The following TASP1 variants were observed in gnomAD, a reference collection of about 807,000 sequenced individuals.
TASP1 encodes the protein taspase 1, also known as threonine aspartase 1.
Under a neutral mutation model 56.6 loss-of-function variants are expected in TASP1, and 16 were observed. That is an observed-to-expected ratio of 0.28 (90% CI 0.19 to 0.43). The LOEUF is 0.43. TASP1 is among the 20% of genes least tolerant of loss of function. The pLI, the probability that TASP1 is intolerant of heterozygous loss-of-function variation, is 1.00. For missense variants in TASP1, 393 were observed against 511.6 expected (o/e 0.77, Z 2.24); for synonymous variants, 179 against 184.2 (o/e 0.97, Z 0.23).
the TASP1 span, among the ~76,000 whole-genome samples, chr20:13,245,643 A>G: frequency 6.6e-6 from 1 of 152,206 alleles, no homozygotes; most frequent in East Asian, 1.9e-4. Flanking sequence ...ACTCTAGTGT[A>G]GTTACATGGG....
At chr20:13,146,858 C>T in the TASP1 span, among the ~76,000 whole-genome samples, 1 of 152,132 alleles carries the variant, frequency 6.6e-6, no homozygotes, top group Non-Finnish European at 1.5e-5. Context: ...TCCAAAGAGC[C>T]AACTTTGATA....
chr20:13,390,105 A>G lies in TASP1; in HGVS notation c.*255T>C, dbSNP rs1465326168. 2.9e-6 allele frequency: 1 copy of G among 350,030 alleles called. No individual in the cohort carries two copies. Among genetic ancestry groups the G allele is most frequent in the East Asian group, 5.5e-5 (1 of 18,060 alleles). 21.7% of individuals were successfully genotyped at this position (350,030 alleles called of 1,614,324 possible). ...AGGAGTTTCTATTTCATCCACGGAG[A>G]AGCAAACACACATACTCCACACATA... On this transcript the variant is annotated 3_prime_UTR_variant, in exon 14 of 14. Coordinates refer to ENST00000337743, the MANE Select transcript of TASP1 (RefSeq NM_017714.3).
chr20:13,597,075 G>A (rs1008756404), intron 4 of TASP1, among the ~76,000 whole-genome samples: 1 of 152,136 alleles, frequency 6.6e-6, no homozygotes, highest in Non-Finnish European at 1.5e-5. Context: ...CAGGACAGAC[G>A]GATTCACAGC....
chr20:13,573,833 C>T (rs1304158129), intron 6 of TASP1, among the ~76,000 whole-genome samples: 3 of 152,150 alleles, frequency 2.0e-5, no homozygotes, highest in African/African-American at 7.2e-5. Flanking sequence ...CAAGGTAAAC[C>T]TTGTGACTGC....
the TASP1 span, chr20:13,165,756 A>G: frequency 1.3e-5 from 2 of 152,222 alleles, no homozygotes; most frequent in Non-Finnish European, 2.9e-5. Flanking sequence ...GGTGAAATTC[A>G]GTGTCCTTTA....
At chr20:13,589,121 G>C (rs1433922123) in intron 4 of TASP1, among the ~76,000 whole-genome samples, 1 of 141,714 alleles carries the variant, frequency 7.1e-6, no homozygotes, top group East Asian at 2.1e-4. Context: ...GCAGTGGTGT[G>C]ATCTCGGCTC....
intron 10 of TASP1, among the ~76,000 whole-genome samples, chr20:13,505,871 A>T (rs955956775): frequency 1.3e-5 from 2 of 152,086 alleles, no homozygotes; most frequent in Non-Finnish European, 2.9e-5. Flanking sequence ...AAACATACGA[A>T]GGCCAAAGTT....
intron 10 of TASP1, among the ~76,000 whole-genome samples, chr20:13,498,705 T>G (rs1189564814): frequency 6.9e-6 from 1 of 145,568 alleles, no homozygotes; most frequent in Non-Finnish European, 1.5e-5. Flanking sequence ...AAAAAAAAAA[T>G]GTTCAACATC....
Position 13,584,133 on chromosome 20 carries a change from C to T in TASP1, c.403+3117G>A, listed in dbSNP as rs186219354. The stretch of plus-strand genomic sequence containing the variant: ...GTAAACCACTGTAGAACAATGCCTA[C>T]GGTATTACTGTCATTTAACAAACTG... On this transcript the variant is annotated intron_variant, in intron 5 of 13. Coordinates refer to ENST00000337743, the MANE Select transcript of TASP1 (RefSeq NM_017714.3). Among the ~76,000 whole-genome samples the T allele has an allele frequency of 1.3e-3, 196 of 152,078 alleles. 1 individual carries two copies. Among genetic ancestry groups the T allele is most frequent in the South Asian group, 5.0e-3 (24 of 4,812 alleles).
the TASP1 span, among the ~76,000 whole-genome samples, chr20:13,201,696 A>C: frequency 6.6e-6 from 1 of 152,090 alleles, no homozygotes; most frequent in African/African-American, 2.4e-5. Flanking sequence ...TGAAAATTTA[A>C]AAATGAAGAA....
chr20:13,451,591 GC>G (rs1364688051), intron 11 of TASP1, among the ~76,000 whole-genome samples: 1 of 151,978 alleles, frequency 6.6e-6, no homozygotes, highest in East Asian at 1.9e-4. Context: ...CTTTTCTTCT[GC>G]AGCTTCCTCA....
the TASP1 span, among the ~76,000 whole-genome samples, chr20:13,356,898 T>A: frequency 5.1e-4 from 77 of 152,308 alleles, no homozygotes; most frequent in African/African-American, 1.7e-3. Flanking sequence ...TGTGGTCTTT[T>A]TGTAGAGTTG....
At chr20:13,576,681 T>C (rs1178242059) in intron 6 of TASP1, among the ~76,000 whole-genome samples, 1 of 152,170 alleles carries the variant, frequency 6.6e-6, no homozygotes, top group Non-Finnish European at 1.5e-5. Flanking sequence ...CAATCAAAAT[T>C]CTGGCAGGCT....
chr20:13,469,411 C>T (rs1245518629), intron 11 of TASP1, among the ~76,000 whole-genome samples: 1 of 152,150 alleles, frequency 6.6e-6, no homozygotes, highest in Non-Finnish European at 1.5e-5. Context: ...ATTTTGAGAG[C>T]CCAAAATCCA....
At chr20:13,611,852 A>G (rs1600162806) in intron 4 of TASP1, among the ~76,000 whole-genome samples, 1 of 152,200 alleles carries the variant, frequency 6.6e-6, no homozygotes, top group East Asian at 1.9e-4. Context: ...TGCTTATATT[A>G]GTCTCCTCAT....
the TASP1 span, among the ~76,000 whole-genome samples, chr20:13,274,678 C>G: frequency 2.6e-5 from 4 of 151,372 alleles, no homozygotes; most frequent in East Asian, 1.9e-4. Flanking sequence ...CCGCCCCCCC[C>G]GCGCCCGGCC....
chr20:13,227,817 T>A, the TASP1 span, among the ~76,000 whole-genome samples: 4 of 152,046 alleles, frequency 2.6e-5, no homozygotes, highest in African/African-American at 9.7e-5. Flanking sequence ...CCCAACTTTT[T>A]AATTTAAATA....
the TASP1 span, among the ~76,000 whole-genome samples, chr20:13,186,544 G>A: frequency 2.6e-5 from 4 of 152,072 alleles, no homozygotes; most frequent in African/African-American, 7.2e-5. Context: ...AAAGACATAG[G>A]CTAAATAGAA....
At chr20:13,627,136 C>T (rs925810984) in intron 2 of TASP1, among the ~76,000 whole-genome samples, 4 of 151,958 alleles carry the variant, frequency 2.6e-5, no homozygotes, top group Admixed American at 6.6e-5. Context: ...GATTAAAAAG[C>T]GTTTAGTTGT....
Sources: gnomAD v4.1 joint callset for allele counts (sites outside exome capture counted in the v4.1 genomes callset) on GRCh38, gnomAD v4.1.1 for gene constraint, MANE v1.5 for transcripts, NCBI Gene and HGNC (gene_info 2026-07-23, HGNC 2026-07-21) for gene names.